The following LRRC4C variants were observed in gnomAD, a reference collection of about 807,000 sequenced individuals.
LRRC4C encodes the protein leucine rich repeat containing 4C.
Under a neutral mutation model 33.6 loss-of-function variants are expected in LRRC4C, and 5 were observed. The observed-to-expected ratio is 0.15, with a 90% confidence interval of 0.08 to 0.31. The LOEUF is 0.31. Among genes scored for constraint, LRRC4C ranks in the 10% least tolerant of loss-of-function variants. The pLI is 1.00. For missense variants in LRRC4C, 560 were observed against 796.7 expected (o/e 0.70, Z 3.58); for synonymous variants, 329 against 302.0 (o/e 1.09, Z -0.93).
intron 6 of LRRC4C, among the ~76,000 whole-genome samples, chr11:40,122,902 A>G (rs1855932980): frequency 6.6e-6 from 1 of 151,298 alleles, no homozygotes; most frequent in South Asian, 2.1e-4. Context: ...ATATAGGTCT[A>G]TATACTTTTT....
rs532349037 is a variant in LRRC4C at position 40,700,948 on chromosome 11, C to A, written c.-406-52670G>T. Among the ~76,000 whole-genome samples the A allele has an allele frequency of 2.6e-5, 4 of 152,254 alleles. No homozygotes were observed. In the South Asian group the frequency reaches 8.3e-4, roughly 32 times the overall value. ...TGACTTCGCTCTTTCCAACTCACTC[C>A]CCTCAAAGAAACTGGAGAGTACATA... On this transcript the variant is annotated intron_variant, in intron 2 of 6. Coordinates refer to ENST00000528697, the MANE Select transcript of LRRC4C (RefSeq NM_001258419.2).
intron 5 of LRRC4C, among the ~76,000 whole-genome samples, chr11:40,234,464 G>T (rs1020785980): frequency 1.3e-5 from 2 of 152,076 alleles, no homozygotes; most frequent in African/African-American, 4.8e-5. Flanking sequence ...CTACCTCAGT[G>T]CTACTGACTA....
chr11:40,813,167 A>G (rs947765595), intron 2 of LRRC4C, among the ~76,000 whole-genome samples: 2 of 152,204 alleles, frequency 1.3e-5, no homozygotes, highest in African/African-American at 4.8e-5. Context: ...CCCATAGCAG[A>G]ATTCCTTCTT....
chr11:40,821,815 A>C (rs1259512559), intron 2 of LRRC4C, among the ~76,000 whole-genome samples: 2 of 151,736 alleles, frequency 1.3e-5, no homozygotes, highest in East Asian at 3.9e-4. Flanking sequence ...AAAGGACATT[A>C]GTGTAAAACC....
Position 40,246,122 on chromosome 11 carries a change from C to T in LRRC4C, c.-175-4524G>A, listed in dbSNP as rs1040548111. ...CCAAGTAGCTGGGACTACAGGTGTC[C>T]GCCACCACACCTGGCTAATTTTTAT... is the stretch of plus-strand genomic sequence containing the variant. On this transcript the variant is annotated intron_variant, in intron 4 of 6. Coordinates refer to ENST00000528697, the MANE Select transcript of LRRC4C (RefSeq NM_001258419.2). Among the ~76,000 whole-genome samples, 8 of 151,610 alleles carry T rather than the reference C, an allele frequency of 5.3e-5. No individual in the cohort carries two copies. In the East Asian group the frequency reaches 5.8e-4, roughly 11 times the overall value.
At chr11:40,203,873 G>A (rs1862947784) in intron 5 of LRRC4C, among the ~76,000 whole-genome samples, 2 of 152,138 alleles carry the variant, frequency 1.3e-5, no homozygotes, top group Non-Finnish European at 2.9e-5. Flanking sequence ...GATCTTTTTA[G>A]CTAAAGTGCA....
chr11:41,365,052 G>T (rs1952486380), intron 1 of LRRC4C, among the ~76,000 whole-genome samples: 1 of 152,094 alleles, frequency 6.6e-6, no homozygotes. Flanking sequence ...ACGAGTACCA[G>T]TTTGTGGCCT....
chr11:41,378,807 A>C (rs1411132981), intron 1 of LRRC4C, among the ~76,000 whole-genome samples: 1 of 152,154 alleles, frequency 6.6e-6, no homozygotes, highest in African/African-American at 2.4e-5. Context: ...TAGCTTAAAA[A>C]TTAAAATAAA....
chr11:40,179,810 T>A (rs756029496), intron 5 of LRRC4C, among the ~76,000 whole-genome samples: 2 of 152,218 alleles, frequency 1.3e-5, no homozygotes, highest in Non-Finnish European at 2.9e-5. Flanking sequence ...TATAATTAGA[T>A]ATAGGAGCTG....
intron 3 of LRRC4C, among the ~76,000 whole-genome samples, chr11:40,462,089 A>G (rs1382240382): frequency 6.6e-6 from 1 of 152,050 alleles, no homozygotes; most frequent in African/African-American, 2.4e-5. Flanking sequence ...TATTTTCAGT[A>G]TAGTGTTTGT....
At chr11:40,814,497 G>T (rs1028453644) in intron 2 of LRRC4C, among the ~76,000 whole-genome samples, 1 of 152,042 alleles carries the variant, frequency 6.6e-6, no homozygotes, top group African/African-American at 2.4e-5. Context: ...TGCTGCAAAG[G>T]TCTCTGACAT....
At chr11:40,824,269 T>A (rs1197467150) in intron 2 of LRRC4C, among the ~76,000 whole-genome samples, 1 of 151,986 alleles carries the variant, frequency 6.6e-6, no homozygotes, top group Admixed American at 6.6e-5. Context: ...TATACATTTC[T>A]AATTTGTGAA....
chr11:40,483,021 C>T (rs534466406), intron 3 of LRRC4C, among the ~76,000 whole-genome samples: 2 of 152,146 alleles, frequency 1.3e-5, no homozygotes, highest in South Asian at 4.1e-4. Flanking sequence ...AGAAAGTCCC[C>T]ATTTACCTAT....
intron 3 of LRRC4C, among the ~76,000 whole-genome samples, chr11:40,367,817 C>T (rs1948278181): frequency 6.6e-6 from 1 of 152,068 alleles, no homozygotes; most frequent in African/African-American, 2.4e-5. Flanking sequence ...GCTTATTATG[C>T]AAGTTACAAA....
chr11:41,367,295 T>C lies in LRRC4C; in HGVS notation c.-496+92136A>G, dbSNP rs11036371. On this transcript the variant is annotated intron_variant, in intron 1 of 6. Transcript: ENST00000528697. ...GGTGTGATATTGGGGTATCCAAACCTGGATGGAAATTCATATTTCCTGGGA... is the reference window on the plus strand; with the variant it reads ...GGTGTGATATTGGGGTATCCAAACCCGGATGGAAATTCATATTTCCTGGGA... Among the ~76,000 whole-genome samples, 177 of 152,260 alleles carry C rather than the reference T, an allele frequency of 1.2e-3. 3 individuals carry two copies. The East Asian group carries it at 0.029, about 25-fold the overall frequency.
intron 3 of LRRC4C, among the ~76,000 whole-genome samples, chr11:40,331,410 T>C (rs148450988): frequency 1.5e-4 from 23 of 152,222 alleles, no homozygotes; most frequent in African/African-American, 5.3e-4. Flanking sequence ...AACCAACATG[T>C]CCATCAGCAG....
chr11:40,652,284 A>G (rs1942857423), intron 2 of LRRC4C, among the ~76,000 whole-genome samples: 1 of 152,202 alleles, frequency 6.6e-6, no homozygotes, highest in African/African-American at 2.4e-5. Context: ...ATGAATACTT[A>G]CTACCCCAAA....
At chr11:40,984,101 C>G (rs1852739019) in intron 1 of LRRC4C, among the ~76,000 whole-genome samples, 1 of 149,696 alleles carries the variant, frequency 6.7e-6, no homozygotes, top group African/African-American at 2.5e-5. Context: ...TATGTTCAAT[C>G]CTATAACAGT....
At chr11:40,124,119 G>A (rs531726902) in intron 6 of LRRC4C, among the ~76,000 whole-genome samples, 2 of 152,232 alleles carry the variant, frequency 1.3e-5, no homozygotes, top group South Asian at 2.1e-4. Flanking sequence ...ACATTGTAAT[G>A]AGATATCATC....
Sources: allele counts gnomAD v4.1 joint callset (sites outside exome capture counted in the v4.1 genomes callset), GRCh38; gene constraint gnomAD v4.1.1; transcripts MANE v1.5; gene names NCBI Gene and HGNC (gene_info 2026-07-23, HGNC 2026-07-21).